The following KCNIP2 variants were observed in gnomAD, a reference collection of about 807,000 sequenced individuals.
KCNIP2 encodes potassium voltage-gated channel interacting protein 2.
A neutral mutation model predicts 39.0 loss-of-function variants in KCNIP2; 19 were observed. The observed-to-expected ratio is 0.49, with a 90% confidence interval of 0.34 to 0.71. The LOEUF is 0.71. KCNIP2 is among the 30% of genes least tolerant of loss of function. KCNIP2 has a pLI of 0.01. For synonymous variants in KCNIP2, 111 were observed against 131.2 expected (o/e 0.85, Z 1.05); for missense variants, 261 against 346.0 (o/e 0.75, Z 1.95).
At position 101,828,669 on chromosome 10, in the gene KCNIP2, C is replaced by T. The variant is rs1440960502; in HGVS notation, c.376G>A (p.Glu126Lys). 6.2e-7 allele frequency: 1 copy of T among 1,614,156 alleles called. No individual in the cohort carries two copies. The highest frequency in any genetic ancestry group is 1.1e-5 in the South Asian group (1 of 91,074). The stretch of plus-strand genomic sequence containing the variant: ...TGGGAGTAAATCTGCTTGAAGTTCT[C>T]CTCATTGACAATTCCGCTGGGACAT... ...NECPSGIVNE[E>K]NFKQIYSQFF... The change falls in exon 5 of 10, where the codon GAG (glutamate) becomes AAG (lysine). Residue 126 changes from glutamate to lysine, a missense_variant. Glu to Lys is a moderately conservative substitution (Grantham distance 56, BLOSUM62 1). Transcript: ENST00000356640. The surrounding 1 kb of genome is among the most constrained non-coding windows in gnomAD (Gnocchi z 6.6).
At chr10:101,830,856 T>C (rs2065964594) in intron 2 of KCNIP2, among the ~76,000 whole-genome samples, 1 of 140,880 alleles carries the variant, frequency 7.1e-6, no homozygotes, top group Non-Finnish European at 1.5e-5. Context: ...CACGCCGGCC[T>C]GGGGCACGCT....
intron 1 of KCNIP2, among the ~76,000 whole-genome samples, chr10:101,841,304 G>A (rs1470133484): frequency 6.6e-6 from 1 of 152,196 alleles, no homozygotes; most frequent in African/African-American, 2.4e-5. Flanking sequence ...GCAGGGAAGG[G>A]GAGGCGAAGC....
intron 2 of KCNIP2, among the ~76,000 whole-genome samples, chr10:101,830,597 G>A (rs1054402031): frequency 6.6e-6 from 1 of 150,948 alleles, no homozygotes; most frequent in African/African-American, 2.4e-5. Context: ...CACACACGCT[G>A]GCTTCAGCCG....
At chr10:101,833,491 T>C (rs1342928928) in intron 1 of KCNIP2, among the ~76,000 whole-genome samples, 1 of 152,070 alleles carries the variant, frequency 6.6e-6, no homozygotes, top group East Asian at 1.9e-4. Context: ...CTTCACAATG[T>C]TCACACTCTT....
Position 101,828,833 on chromosome 10 carries a change from G to A in KCNIP2, c.349-137C>T. ...AGAGGACTCACCACGTGGCTCATGTGATGGGAGGGAAGACTTCTTTCCCAG... is the reference window on the plus strand; with the variant it reads ...AGAGGACTCACCACGTGGCTCATGTAATGGGAGGGAAGACTTCTTTCCCAG... On this transcript the variant is annotated intron_variant, in intron 4 of 9. Transcript: ENST00000356640. The surrounding 1 kb of genome is among the most constrained non-coding windows in gnomAD (Gnocchi z 6.6). 6.4e-7 allele frequency: 1 copy of A among 1,573,946 alleles called. No individual in the cohort carries two copies. The highest frequency in any genetic ancestry group is 1.2e-5 in the South Asian group (1 of 86,928).
Position 101,843,761 on chromosome 10 carries a change from A to G in KCNIP2, c.-193T>C. ...GTCCTGGAGCAGGAGAGGGAACACT[A>G]GGCAGCAGGTGAGCGCAGAGCCGGA... On this transcript the variant is annotated 5_prime_UTR_variant, in exon 1 of 10. Coordinates refer to ENST00000356640, the MANE Select transcript of KCNIP2 (RefSeq NM_173191.3). The surrounding 1 kb of genome is among the most constrained non-coding windows in gnomAD (Gnocchi z 6.7). 2.6e-6 allele frequency: 1 copy of G among 386,712 alleles called. No homozygotes were observed. The highest frequency in any genetic ancestry group is 4.6e-6 in the Non-Finnish European group (1 of 218,062). The allele number at this position is 386,712 out of a possible 1,614,324, so 24.0% of individuals were successfully genotyped here.
chr10:101,840,163 A>G (rs1057277920), intron 1 of KCNIP2, among the ~76,000 whole-genome samples: 4 of 151,988 alleles, frequency 2.6e-5, no homozygotes, highest in Non-Finnish European at 5.9e-5. Context: ...GGTTTTGAGA[A>G]AAGAGCTGGA....
Position 101,827,929 on chromosome 10 carries a change from C to A in KCNIP2, c.662G>T (p.Arg221Leu), listed in dbSNP as rs149050202. The A allele has an allele frequency of 1.2e-6, 2 of 1,614,074 alleles. No individual in the cohort carries two copies. The highest frequency in any genetic ancestry group is 1.7e-6 in the Non-Finnish European group (2 of 1,179,952). Residue 221 changes from arginine to leucine, a missense_variant, in exon 8 of 10, where the codon CGG (arginine) becomes CTG (leucine). Arg to Leu is a moderately radical substitution (Grantham distance 102). Transcript: ENST00000356640. ...MMGKYTYPALREEAPREHVES... is the reference protein window; with the variant it reads ...MMGKYTYPALLEEAPREHVES... ...CACGTGTTCCCTTGGGGCCTCCTCC[C>A]GGAGTGCAGGGTACGTGTACTTGCC...
intron 1 of KCNIP2, among the ~76,000 whole-genome samples, chr10:101,840,944 C>G (rs566200780): frequency 1.0e-3 from 155 of 152,336 alleles, no homozygotes; most frequent in Non-Finnish European, 1.8e-3. Flanking sequence ...GGCTCCAACC[C>G]TCTCCGCATC....
intron 3 of KCNIP2, 145 bp from the exon 4 acceptor site, chr10:101,829,344 G>T: frequency 9.6e-7 from 1 of 1,038,874 alleles, no homozygotes; most frequent in Non-Finnish European, 1.4e-6. Flanking sequence ...CCCGAGCCAA[G>T]GACACTGAGG....
chr10:101,828,092 C>G lies in KCNIP2; in HGVS notation c.597+59G>C. The G allele has an allele frequency of 6.4e-7, 1 of 1,561,882 alleles. No homozygotes were observed. Among genetic ancestry groups the G allele is most frequent in the South Asian group, 1.1e-5 (1 of 89,912 alleles). On this transcript the variant is annotated intron_variant, in intron 7 of 9. Transcript: ENST00000356640. The surrounding 1 kb of genome is among the most constrained non-coding windows in gnomAD (Gnocchi z 6.6). ...TGTGGGTCATATTTCCCTCCCATCA[C>G]CCTCTGCACGCCACCCCCATCACCG...
intron 2 of KCNIP2, among the ~76,000 whole-genome samples, chr10:101,830,665 G>A (rs1449594474): frequency 6.7e-6 from 1 of 149,808 alleles, no homozygotes; most frequent in Non-Finnish European, 1.5e-5. Flanking sequence ...ACCCGCCCTC[G>A]CCACGCTGGT....
Position 101,828,685 on chromosome 10 carries a change from G to T in KCNIP2, c.360C>A (p.Ser120Arg). 1 of 1,614,124 alleles carries T rather than the reference G, an allele frequency of 6.2e-7. No individual in the cohort carries two copies. Among genetic ancestry groups the T allele is most frequent in the Non-Finnish European group, 8.5e-7 (1 of 1,180,022 alleles). The change falls in exon 5 of 10, where the codon AGC becomes AGA. Residue 120 changes from serine (S) to arginine (R), a missense_variant. Transcript: ENST00000356640. The surrounding 1 kb of genome is among the most constrained non-coding windows in gnomAD (Gnocchi z 6.6). ...LYRGFKNECP[S>R]GIVNEENFKQ... ...TGAAGTTCTCCTCATTGACAATTCC[G>T]CTGGGACATTCCTGGAAGGAGAGGG...
chr10:101,838,721 T>C lies in KCNIP2; in HGVS notation c.73+4775A>G, dbSNP rs1391649937. ...TATGGTTCTGGCTCAGGACCATCCA[T>C]CTACCCTCCTTTTGGGGGACAGATG... is the stretch of plus-strand genomic sequence containing the variant. On this transcript the variant is annotated intron_variant, in intron 1 of 9. Coordinates refer to ENST00000356640, the MANE Select transcript of KCNIP2 (RefSeq NM_173191.3). The surrounding 1 kb of genome is among the most constrained non-coding windows in gnomAD (Gnocchi z 4.0). Among the ~76,000 whole-genome samples the C allele has an allele frequency of 6.6e-6, 1 of 152,184 alleles. No individual in the cohort carries two copies. Among genetic ancestry groups the C allele is most frequent in the Non-Finnish European group, 1.5e-5 (1 of 68,028 alleles).
chr10:101,842,080 TC>T (rs1735702584), intron 1 of KCNIP2, among the ~76,000 whole-genome samples: 1 of 152,026 alleles, frequency 6.6e-6, no homozygotes, highest in Admixed American at 6.6e-5. Flanking sequence ...CTCATCCTAG[TC>T]CCCTCCCCCT....
chr10:101,839,538 T>C (rs2066256765), intron 1 of KCNIP2, among the ~76,000 whole-genome samples: 1 of 151,946 alleles, frequency 6.6e-6, no homozygotes, highest in Non-Finnish European at 1.5e-5. Flanking sequence ...TCTCCTTTCC[T>C]CTTTGAAGAG....
intron 9 of KCNIP2, 76 bp from the exon 10 acceptor site, chr10:101,827,476 A>G: frequency 6.8e-7 from 1 of 1,475,072 alleles, no homozygotes; most frequent in South Asian, 1.2e-5. Context: ...TGAGAGGGAC[A>G]CTGAGTCACA....
intron 2 of KCNIP2, among the ~76,000 whole-genome samples, chr10:101,830,821 G>A (rs1480937566): frequency 1.4e-5 from 2 of 140,280 alleles, no homozygotes; most frequent in African/African-American, 5.4e-5. Flanking sequence ...CACATGCAGG[G>A]GTAGGGCACG....
rs1473052537 is a variant in KCNIP2, at chr10:101,829,860, G to A, written c.207C>T (p.Pro69=). 1.1e-5 allele frequency: 16 copies of A among 1,488,252 alleles called. No individual in the cohort carries two copies. Among genetic ancestry groups the A allele is most frequent in the Non-Finnish European group, 1.3e-5 (15 of 1,124,912 alleles). The allele number at this position is 1,488,252 out of a possible 1,614,324, so 92.2% of individuals were successfully genotyped here. A position where few individuals can be genotyped will look rare whatever the true frequency, so the allele number is the denominator to read the frequency against. Residue 69 remains proline, a synonymous_variant, in exon 3 of 10, where the codon CCC becomes CCT. Transcript: ENST00000356640. ...GTAAGTCACCTGGGTCCAGCAGGCGGGGTCTGTGGGGGCGGAGGGAGGCTG... is the reference window on the plus strand; with the variant it reads ...GTAAGTCACCTGGGTCCAGCAGGCGAGGTCTGTGGGGGCGGAGGGAGGCTG... The part of the protein sequence containing the change: ...AAPASLRPHR[P]RLLDPDSVDD...
Sources: gnomAD v4.1 joint callset for allele counts (sites outside exome capture counted in the v4.1 genomes callset) on GRCh38, gnomAD v4.1.1 for gene constraint, Gnocchi (gnomAD v3.1) non-coding constraint, MANE v1.5 for transcripts, NCBI Gene and HGNC (gene_info 2026-07-23, HGNC 2026-07-21) for gene names.